The following UBR3 variants were observed in gnomAD, a reference collection of about 807,000 sequenced individuals.
UBR3 encodes the protein E3 ubiquitin-protein ligase UBR3.
In UBR3, 85 loss-of-function variants were observed where a neutral mutation model predicts 243.2. The observed-to-expected ratio is 0.35, with a 90% CI of 0.29 to 0.42. The LOEUF (loss-of-function observed/expected upper bound fraction) is 0.42, where lower values mean the gene tolerates loss of function less well. Among genes scored for constraint, UBR3 ranks in the 10% least tolerant of loss-of-function variants. UBR3 has a pLI of 1.00. For synonymous variants in UBR3, 748 were observed against 799.8 expected (o/e 0.94, Z 1.09); for missense variants, 1,686 against 2,300.8 (o/e 0.73, Z 5.47).
Position 169,961,351 on chromosome 2 carries a change from T to A in UBR3, c.3634+2825T>A, listed in dbSNP as rs192565935. On this transcript the variant is annotated intron_variant, in intron 24 of 38. Coordinates refer to ENST00000272793, the MANE Select transcript of UBR3 (RefSeq NM_172070.4). ...TACCAATTCAAGTATATATATACAT[T>A]TTTTTTCTTTTTTAAGAGTCAAGGT... 6.4e-3 allele frequency among the ~76,000 whole-genome samples: 978 copies of A among 151,676 alleles called. 10 individuals carry two copies. The highest frequency in any genetic ancestry group is 0.02 in the African/African-American group (842 of 41,114).
intron 36 of UBR3, among the ~76,000 whole-genome samples, chr2:170,075,420 T>G (rs143437804): frequency 7.7e-4 from 117 of 152,308 alleles, no homozygotes; most frequent in Admixed American, 1.7e-3. Flanking sequence ...TTTGTCTTCA[T>G]ATGAGCCATA....
intron 19 of UBR3, among the ~76,000 whole-genome samples, chr2:169,939,487 T>C (rs1423403808): frequency 6.6e-6 from 1 of 151,358 alleles, no homozygotes; most frequent in Non-Finnish European, 1.5e-5. Flanking sequence ...CAGGATGGTC[T>C]CGATCTCCTG....
At chr2:169,890,530 G>GATATATATATATATATATATAT (rs2084289341) in intron 5 of UBR3, among the ~76,000 whole-genome samples, 1 of 10,210 alleles carries the variant, frequency 9.8e-5, no homozygotes, top group African/African-American at 2.2e-4. Flanking sequence ...TTCTAGGAGA[G>GATATATATATATATATATATAT]AGAGAGAGAG....
intron 32 of UBR3, among the ~76,000 whole-genome samples, chr2:170,054,464 A>C (rs2091289593): frequency 6.6e-6 from 1 of 152,008 alleles, no homozygotes; most frequent in Admixed American, 6.6e-5. Context: ...TGTATTTTTT[A>C]GTAGAGACAG....
chr2:170,075,539 AATT>A (rs2091789275), intron 36 of UBR3, among the ~76,000 whole-genome samples: 1 of 152,158 alleles, frequency 6.6e-6, no homozygotes, highest in Non-Finnish European at 1.5e-5. Flanking sequence ...ATTAGGTGAT[AATT>A]ATTGTAGAGG....
chr2:169,865,368 C>G (rs2083224078), intron 1 of UBR3, among the ~76,000 whole-genome samples: 1 of 152,140 alleles, frequency 6.6e-6, no homozygotes, highest in East Asian at 1.9e-4. Context: ...TTTCGTCAGT[C>G]TTACAGTATA....
intron 36 of UBR3, 101 bp downstream of exon 36, chr2:170,073,708 C>T: frequency 2.4e-6 from 3 of 1,232,468 alleles, no homozygotes; most frequent in South Asian, 1.7e-5. Context: ...TTTTTGACAG[C>T]AATTATAAAA....
At chr2:169,926,609 CAAA>C (rs1344570845) in intron 14 of UBR3, 80 bp from the exon 15 acceptor site, 2 of 898,186 alleles carry the variant, frequency 2.2e-6, no homozygotes, top group African/African-American at 3.3e-5. Context: ...AAACAAAAAA[CAAA>C]AAAAAGTATA....
intron 35 of UBR3, 134 bp downstream of exon 35, chr2:170,061,577 C>T: frequency 1.9e-6 from 2 of 1,044,834 alleles, no homozygotes; most frequent in South Asian, 3.2e-5. Context: ...AAGCAATCCT[C>T]CTCCCTCAGC....
At chr2:169,965,222 G>A (rs2087752157) in intron 24 of UBR3, among the ~76,000 whole-genome samples, 1 of 152,090 alleles carries the variant, frequency 6.6e-6, no homozygotes, top group African/African-American at 2.4e-5. Flanking sequence ...ATTAACACAC[G>A]AAGCAGGGCC....
At chr2:170,077,603 T>C in intron 36 of UBR3, 2 of 504,550 alleles carry the variant, frequency 4.0e-6, no homozygotes, top group Non-Finnish European at 7.1e-6. Context: ...GGAATAACTT[T>C]GAGACAGAGT....
At chr2:169,934,799 A>G (rs969478217) in intron 19 of UBR3, among the ~76,000 whole-genome samples, 7 of 152,206 alleles carry the variant, frequency 4.6e-5, no homozygotes. Context: ...TTGTGCTGAG[A>G]GTTTAAGTGA....
At chr2:170,022,886 CCTT>C in intron 30 of UBR3, among the ~76,000 whole-genome samples, 1 of 151,956 alleles carries the variant, frequency 6.6e-6, no homozygotes. Flanking sequence ...ACAGATGTTC[CCTT>C]CTTCTTGGAC....
At chr2:170,067,729 C>G (rs1390241875) in intron 35 of UBR3, among the ~76,000 whole-genome samples, 4 of 150,574 alleles carry the variant, frequency 2.7e-5, no homozygotes, top group Non-Finnish European at 5.9e-5. Flanking sequence ...CATCATAATT[C>G]TAAGTAATTT....
chr2:170,075,801 ACTGT>A (rs765788092), intron 36 of UBR3, among the ~76,000 whole-genome samples: 11 of 152,066 alleles, frequency 7.2e-5, no homozygotes, highest in South Asian at 4.2e-4. Flanking sequence ...CCCTTGAAAA[ACTGT>A]CTGTGAATTA....
In UBR3 at chr2:169,827,458, T is replaced by TC; in HGVS notation, c.-47dup. On this transcript the variant is annotated 5_prime_UTR_variant, in exon 1 of 39. Transcript: ENST00000272793. Reference sequence around the variant, plus strand: ...ATCGCAGCAGTCTATTCCCTCACTCTCCCTGGAGGAGCCGCTGGCCCTGGA... The same window carrying TC: ...ATCGCAGCAGTCTATTCCCTCACTCTCCCCTGGAGGAGCCGCTGGCCCTGGA... The TC allele has an allele frequency of 1.6e-6, 2 of 1,216,854 alleles. No individual in the cohort carries two copies. Among genetic ancestry groups the TC allele is most frequent in the Middle Eastern group, 3.2e-4 (1 of 3,128 alleles). 75.4% of individuals were successfully genotyped at this position (1,216,854 alleles called of 1,614,324 possible).
At chr2:169,845,917 T>C (rs2082464053) in intron 1 of UBR3, among the ~76,000 whole-genome samples, 1 of 152,166 alleles carries the variant, frequency 6.6e-6, no homozygotes, top group South Asian at 2.1e-4. Flanking sequence ...TATAGTGAGA[T>C]AGCATACTTA....
At chr2:170,013,053 G>A (rs1181360285) in intron 29 of UBR3, among the ~76,000 whole-genome samples, 1 of 151,966 alleles carries the variant, frequency 6.6e-6, no homozygotes, top group Non-Finnish European at 1.5e-5. Flanking sequence ...TAATTTGAAT[G>A]TATTTGTGTT....
At chr2:169,933,698 G>A (rs1559108703) in intron 19 of UBR3, among the ~76,000 whole-genome samples, 3 of 152,116 alleles carry the variant, frequency 2.0e-5, no homozygotes, top group African/African-American at 7.2e-5. Flanking sequence ...TGATGCAAAT[G>A]TCCTTGATTT....
Sources: allele counts gnomAD v4.1 joint callset (sites outside exome capture counted in the v4.1 genomes callset), GRCh38; gene constraint gnomAD v4.1.1; transcripts MANE v1.5; gene names NCBI Gene and HGNC (gene_info 2026-07-23, HGNC 2026-07-21).